The following MORC3 variants were observed in gnomAD, a reference collection of about 807,000 sequenced individuals.
MORC3 encodes MORC family CW-type zinc finger 3, also known as MORC family CW-type zinc finger protein 3.
In MORC3, 31 loss-of-function variants were observed where a neutral mutation model predicts 109.1. The ratio of observed to expected loss-of-function variants is 0.28; its 90% confidence interval spans 0.21 to 0.38. The LOEUF is 0.38. Among genes scored for constraint, MORC3 ranks in the 10% least tolerant of loss-of-function variants. The pLI is 1.00. For synonymous variants in MORC3, 395 were observed against 380.7 expected (o/e 1.04, Z -0.44); for missense variants, 867 against 1,135.8 (o/e 0.76, Z 3.40).
chr21:36,331,174 C>T (rs181187163), intron 1 of MORC3, among the ~76,000 whole-genome samples: 7 of 152,298 alleles, frequency 4.6e-5, no homozygotes, highest in Admixed American at 3.3e-4. Context: ...ATTTTTAGGG[C>T]TCTTCACACT....
At chr21:36,341,732 C>G (rs2085449261) in intron 6 of MORC3, among the ~76,000 whole-genome samples, 186 bp downstream of exon 6, 1 of 152,056 alleles carries the variant, frequency 6.6e-6, no homozygotes, top group Non-Finnish European at 1.5e-5. Context: ...CACACACACA[C>G]AAATTTAGTT....
chr21:36,326,894 C>T (rs951031026), intron 1 of MORC3, among the ~76,000 whole-genome samples: 2 of 151,730 alleles, frequency 1.3e-5, no homozygotes, highest in African/African-American at 4.8e-5. Flanking sequence ...CGGCTCACTG[C>T]AACCTCTGCT....
chr21:36,369,658 G>A lies in MORC3; in HGVS notation c.2290G>A (p.Glu764Lys). ...ACTTGAAAGTATTAATGGCAAATCTGAAAGTCCAGACCATATGGTATCTCA... is the reference window on the plus strand; with the variant it reads ...ACTTGAAAGTATTAATGGCAAATCTAAAAGTCCAGACCATATGGTATCTCA... ...FLLESINGKS[E>K]SPDHMVSQYQ... Residue 764 changes from glutamate (E) to lysine (K), a missense_variant, in exon 15 of 17, where the codon GAA becomes AAA. Around this residue, in one of 7 missense-constraint regions of MORC3, gnomAD observed 486 missense variants for 502.1 expected, o/e 0.97. Transcript: ENST00000400485. 2 of 1,614,172 alleles carry A rather than the reference G, an allele frequency of 1.2e-6. No individual in the cohort carries two copies. The highest frequency in any genetic ancestry group is 1.7e-6 in the Non-Finnish European group (2 of 1,180,032).
chr21:36,320,854 C>T (rs1196487749), intron 1 of MORC3, among the ~76,000 whole-genome samples: 9 of 152,228 alleles, frequency 5.9e-5, no homozygotes, highest in Non-Finnish European at 1.2e-4. Context: ...GATCGCTGAG[C>T]TCGAGCTCTC....
At chr21:36,355,390 G>GA (rs1248822424) in intron 9 of MORC3, among the ~76,000 whole-genome samples, 3 of 152,146 alleles carry the variant, frequency 2.0e-5, no homozygotes, top group Non-Finnish European at 4.4e-5. Flanking sequence ...GACCCAGTCA[G>GA]AAAAAGAATT....
Position 36,356,709 on chromosome 21 carries a change from C to A in MORC3, c.1193C>A (p.Pro398Gln). ...KKNTEYPLNL[P>Q]VEDIQKRPDQ... ...AATACAGAATATCCTCTAAATTTGCCAGTTGAAGATATACAGTAAGTACAT... is the reference window on the plus strand; with the variant it reads ...AATACAGAATATCCTCTAAATTTGCAAGTTGAAGATATACAGTAAGTACAT... Residue 398 changes from proline (P) to glutamine (Q), a missense_variant, in exon 10 of 17, where the codon CCA becomes CAA. Coordinates refer to ENST00000400485, the MANE Select transcript of MORC3 (RefSeq NM_015358.3). 6.3e-7 allele frequency: 1 copy of A among 1,579,064 alleles called. No individual in the cohort carries two copies. Among genetic ancestry groups the A allele is most frequent in the South Asian group, 1.2e-5 (1 of 86,948 alleles).
At chr21:36,342,870 T>A (rs1012089006) in intron 6 of MORC3, among the ~76,000 whole-genome samples, 5 of 151,136 alleles carry the variant, frequency 3.3e-5, no homozygotes, top group African/African-American at 4.9e-5. Context: ...AATAGAAAAA[T>A]TAGCTGGGCA....
rs2085882587 is a variant in MORC3 at position 36,372,546 on chromosome 21, G to A, written c.2666+15G>A. 5.8e-6 allele frequency: 9 copies of A among 1,563,430 alleles called. No individual in the cohort carries two copies. Among genetic ancestry groups the A allele is most frequent in the Non-Finnish European group, 6.9e-6 (8 of 1,163,012 alleles). Reference sequence around the variant, plus strand: ...GATGGAGAAAGGTAATATTAAATGAGGCGTTTTTGTGGGGCTGCAATTATG... The same window carrying A: ...GATGGAGAAAGGTAATATTAAATGAAGCGTTTTTGTGGGGCTGCAATTATG... On this transcript the variant is annotated intron_variant, in intron 16 of 16. Coordinates refer to ENST00000400485, the MANE Select transcript of MORC3 (RefSeq NM_015358.3).
chr21:36,360,193 G>T lies in MORC3; in HGVS notation c.1341G>T (p.Glu447Asp), dbSNP rs1256376369. ...TGATTTTTCTGAATAGAAATTGTGAGGTTCCAGAAGAACCTGAAGATGAGG... is the reference window on the plus strand; with the variant it reads ...TGATTTTTCTGAATAGAAATTGTGATGTTCCAGAAGAACCTGAAGATGAGG... ...NNPDPQFRNC[E>D]VPEEPEDEDL... The change falls in exon 12 of 17, where the codon GAG becomes GAT. Residue 447 changes from glutamate (E) to aspartate (D), a missense_variant. Glu to Asp is a conservative substitution (Grantham distance 45). This residue lies in a region of MORC3 where 120 missense variants were observed against 259.7 expected (regional missense o/e 0.46). Coordinates refer to ENST00000400485, the MANE Select transcript of MORC3 (RefSeq NM_015358.3). 1 of 1,614,116 alleles carries T rather than the reference G, an allele frequency of 6.2e-7. No individual in the cohort carries two copies. Among genetic ancestry groups the T allele is most frequent in the East Asian group, 2.2e-5 (1 of 44,878 alleles).
chr21:36,345,359 T>C (rs569939448), intron 8 of MORC3, among the ~76,000 whole-genome samples: 144 of 152,264 alleles, frequency 9.5e-4, no homozygotes, highest in African/African-American at 3.2e-3. Flanking sequence ...CAAGTGATTC[T>C]GCTGCCTCAG....
At chr21:36,327,282 G>C (rs2085259887) in intron 1 of MORC3, among the ~76,000 whole-genome samples, 1 of 145,650 alleles carries the variant, frequency 6.9e-6, no homozygotes, top group Non-Finnish European at 1.5e-5. Flanking sequence ...ACAGCCTCCT[G>C]AGTAGCTGGG....
At chr21:36,321,031 T>C (rs762873959) in intron 1 of MORC3, among the ~76,000 whole-genome samples, 23 of 152,206 alleles carry the variant, frequency 1.5e-4, no homozygotes, top group Admixed American at 1.1e-3. Context: ...TAAAAAACTT[T>C]TCTACCTTGT....
chr21:36,335,222 T>C (rs2085362582), intron 2 of MORC3, among the ~76,000 whole-genome samples: 1 of 152,082 alleles, frequency 6.6e-6, no homozygotes, highest in Non-Finnish European at 1.5e-5. Context: ...TAAAGGGAAA[T>C]TGTATTCTTA....
chr21:36,362,156 A>G (rs181474140), intron 12 of MORC3, 27 bp from the exon 13 acceptor site: 1 of 1,609,608 alleles, frequency 6.2e-7, no homozygotes, highest in African/African-American at 1.3e-5. Context: ...GAGAAATAAC[A>G]ACATGTTTTT....
At chr21:36,334,140 G>A (rs550563198) in intron 2 of MORC3, among the ~76,000 whole-genome samples, 293 of 152,098 alleles carry the variant, frequency 1.9e-3, no homozygotes, top group Non-Finnish European at 2.6e-3. Flanking sequence ...CTGTGGTCCC[G>A]GCTACTCAGG....
intron 13 of MORC3, 106 bp downstream of exon 13, chr21:36,362,334 G>A: frequency 7.9e-7 from 1 of 1,261,370 alleles, no homozygotes; most frequent in Non-Finnish European, 1.1e-6. Flanking sequence ...CCTGAGGTCA[G>A]GAGTTCAAGA....
intron 9 of MORC3, among the ~76,000 whole-genome samples, chr21:36,353,113 CT>C (rs773981115): frequency 2.6e-5 from 4 of 151,826 alleles, no homozygotes; most frequent in Non-Finnish European, 5.9e-5. Flanking sequence ...AATCCCAGCA[CT>C]TTAGGAGGCC....
intron 9 of MORC3, among the ~76,000 whole-genome samples, chr21:36,354,507 A>ATT (rs2085622405): frequency 6.7e-6 from 1 of 148,532 alleles, no homozygotes; most frequent in Non-Finnish European, 1.5e-5. Flanking sequence ...GTTTCCCCAT[A>ATT]TTGGCCAGGC....
chr21:36,341,326 T>C (rs901816565), intron 5 of MORC3, 73 bp from the exon 6 acceptor site: 7 of 1,383,316 alleles, frequency 5.1e-6, no homozygotes, highest in Middle Eastern at 4.5e-4. Flanking sequence ...ACCTTTTTAA[T>C]GACTTACAGT....
Sources: gnomAD v4.1 joint callset for allele counts (sites outside exome capture counted in the v4.1 genomes callset) on GRCh38, gnomAD v4.1.1 for gene constraint, gnomAD v4.1.1 regional missense constraint, MANE v1.5 for transcripts, NCBI Gene and HGNC (gene_info 2026-07-23, HGNC 2026-07-21) for gene names.